Variants in NMT1 observed in about 807,000 individuals in gnomAD.
The protein encoded by NMT1 is N-myristoyltransferase 1, also known as glycylpeptide N-tetradecanoyltransferase 1.
Under a neutral mutation model 63.4 loss-of-function variants are expected in NMT1, and 12 were observed. That is an observed-to-expected ratio of 0.19 (90% CI 0.12 to 0.31). The LOEUF is 0.31. NMT1 is among the 10% of genes least tolerant of loss of function. The probability of loss-of-function intolerance (pLI) is 1.00; values close to 1 mark genes in which losing one functional copy is unlikely to be tolerated. For synonymous variants in NMT1, 228 were observed against 234.3 expected (o/e 0.97, Z 0.25); for missense variants, 432 against 634.6 (o/e 0.68, Z 3.43).
chr17:45,098,546 C>T lies in NMT1; in HGVS notation c.878C>T (p.Thr293Ile). 1 of 1,613,808 alleles carries T rather than the reference C, an allele frequency of 6.2e-7. No homozygotes were observed. The highest frequency in any genetic ancestry group is 8.5e-7 in the Non-Finnish European group (1 of 1,179,892). The change falls in exon 7 of 12, where the codon ACC (threonine) becomes ATC (isoleucine). Residue 293 changes from threonine (T) to isoleucine (I), a missense_variant. Thr to Ile is a moderately conservative substitution (Grantham distance 89). Transcript: ENST00000258960. ...AGVVLPKPVGTCRYWHRSLNP... is the reference protein window; with the variant it reads ...AGVVLPKPVGICRYWHRSLNP... ...GTGGTACTACCAAAGCCCGTTGGCACCTGCAGGTAAAACTGTCTTCCTGTA... is the reference window on the plus strand; with the variant it reads ...GTGGTACTACCAAAGCCCGTTGGCATCTGCAGGTAAAACTGTCTTCCTGTA...
intron 1 of NMT1, among the ~76,000 whole-genome samples, chr17:45,066,425 C>G (rs2053903121): frequency 6.6e-6 from 1 of 152,066 alleles, no homozygotes; most frequent in Non-Finnish European, 1.5e-5. Context: ...TGTGTTTCCT[C>G]CGTAATTAAA....
Position 45,093,748 on chromosome 17 carries a change from A to G in NMT1, c.449A>G (p.Tyr150Cys). 1 of 1,614,260 alleles carries G rather than the reference A, an allele frequency of 6.2e-7. No homozygotes were observed. Among genetic ancestry groups the G allele is most frequent in the Non-Finnish European group, 8.5e-7 (1 of 1,180,052 alleles). ...AAGGACAATATCCGCCAGGAGCCCT[A>G]CACCCTGCCCCAGGGCTTCACCTGG... ...PDKDNIRQEP[Y>C]TLPQGFTWDA... The change falls in exon 4 of 12, where the codon TAC becomes TGC. Residue 150 changes from tyrosine to cysteine, a missense_variant. Around this residue, in one of 4 missense-constraint regions of NMT1, gnomAD observed 295 missense variants for 489.7 expected, o/e 0.60. Transcript: ENST00000258960.
intron 2 of NMT1, among the ~76,000 whole-genome samples, chr17:45,084,096 C>T (rs993015333): frequency 9.2e-5 from 14 of 151,916 alleles, no homozygotes; most frequent in African/African-American, 3.1e-4. Flanking sequence ...ACATAGGACC[C>T]AGAAGCCATA....
At position 45,103,120 on chromosome 17, in the gene NMT1, A is replaced by T; in HGVS notation, c.1163A>T (p.Glu388Val). Reference sequence around the variant, plus strand: ...AATATCATCGACACTTTCGTGGTGGAGGTGAGTCAGGGAGTGGTGTTCCAG... The same window carrying T: ...AATATCATCGACACTTTCGTGGTGGTGGTGAGTCAGGGAGTGGTGTTCCAG... ...QENIIDTFVV[E>V]NANGEVTDFL... The change falls in exon 9 of 12, where the codon GAG becomes GTG. Residue 388 changes from glutamate (E) to valine (V), a missense_variant and splice_region_variant. This residue lies in a region of NMT1 where 295 missense variants were observed against 489.7 expected (regional missense o/e 0.60). Coordinates refer to ENST00000258960, the MANE Select transcript of NMT1 (RefSeq NM_021079.5). The surrounding 1 kb of genome is among the most constrained non-coding windows in gnomAD (Gnocchi z 4.8). 1 of 1,606,674 alleles carries T rather than the reference A, an allele frequency of 6.2e-7. No homozygotes were observed. The highest frequency in any genetic ancestry group is 8.5e-7 in the Non-Finnish European group (1 of 1,173,930).
At chr17:45,066,105 G>C (rs953715464) in intron 1 of NMT1, among the ~76,000 whole-genome samples, 2 of 152,084 alleles carry the variant, frequency 1.3e-5, no homozygotes, top group Non-Finnish European at 2.9e-5. Context: ...CCGGGCTGGA[G>C]TGCTGTGGCG....
chr17:45,095,934 G>A lies in NMT1; in HGVS notation c.505-260G>A, dbSNP rs114080304. Among the ~76,000 whole-genome samples, 268 of 152,282 alleles carry A rather than the reference G, an allele frequency of 1.8e-3. 1 individual carries two copies. The highest frequency in any genetic ancestry group is 6.4e-3 in the African/African-American group (266 of 41,560). ...GACCAGTGGCTCTCCATTGTTGATG[G>A]CGCAGAATGATGAAGTGGTTGGTTA... On this transcript the variant is annotated intron_variant, in intron 4 of 11. Transcript: ENST00000258960.
At chr17:45,095,202 G>A (rs2054116883) in intron 4 of NMT1, among the ~76,000 whole-genome samples, 1 of 151,178 alleles carries the variant, frequency 6.6e-6, no homozygotes, top group Non-Finnish European at 1.5e-5. Context: ...CACCTCCTGT[G>A]TTCAAGCAAT....
chr17:45,098,663 A>G, intron 7 of NMT1, 111 bp downstream of exon 7: 2 of 1,042,196 alleles, frequency 1.9e-6, no homozygotes, highest in Non-Finnish European at 1.4e-6. Context: ...CCTCTGGCGT[A>G]TCTGGTAAGG....
intron 3 of NMT1, among the ~76,000 whole-genome samples, chr17:45,087,353 A>G (rs1241474934): frequency 6.6e-6 from 1 of 152,194 alleles, no homozygotes; most frequent in East Asian, 1.9e-4. Flanking sequence ...CTCCTAGCCA[A>G]TGCATGCTTA....
At chr17:45,080,379 C>T (rs943582137) in intron 1 of NMT1, among the ~76,000 whole-genome samples, 11 of 150,858 alleles carry the variant, frequency 7.3e-5, no homozygotes, top group Admixed American at 5.3e-4. Context: ...AGGCTGGTCT[C>T]GAACTCTGCA....
intron 1 of NMT1, among the ~76,000 whole-genome samples, chr17:45,075,712 G>A (rs2143468585): frequency 6.6e-6 from 1 of 152,034 alleles, no homozygotes; most frequent in East Asian, 1.9e-4. Context: ...GGAGGTTGCA[G>A]TGAGCTGAGA....
At chr17:45,061,612 T>A (rs2053859735) in intron 1 of NMT1, 152 bp downstream of exon 1, 10 of 646,852 alleles carry the variant, frequency 1.5e-5, no homozygotes, top group Non-Finnish European at 2.6e-5. Flanking sequence ...GGTTATTGCC[T>A]TTGTCATTTA....
intron 3 of NMT1, among the ~76,000 whole-genome samples, chr17:45,092,779 T>A (rs2054097631): frequency 6.6e-6 from 1 of 151,238 alleles, no homozygotes; most frequent in Admixed American, 6.6e-5. Flanking sequence ...AGTAAAAGCA[T>A]GAATTGAGTG....
At position 45,105,094 on chromosome 17, in the gene NMT1, G is replaced by C. The variant is rs1202951330; in HGVS notation, c.1470+98G>C. ...GGGTTGAGGAGACAGCCGCAGTCTG[G>C]GTCCTTGTTACCTCGAGTTGAACCT... On this transcript the variant is annotated intron_variant, in intron 11 of 11. Coordinates refer to ENST00000258960, the MANE Select transcript of NMT1 (RefSeq NM_021079.5). The surrounding 1 kb of genome is among the most constrained non-coding windows in gnomAD (Gnocchi z 4.2). 1 of 1,502,016 alleles carries C rather than the reference G, an allele frequency of 6.7e-7. No individual in the cohort carries two copies. The highest frequency in any genetic ancestry group is 2.3e-5 in the East Asian group (1 of 43,968). The allele number at this position is 1,502,016 out of a possible 1,614,324, so 93.0% of individuals were successfully genotyped here.
chr17:45,077,793 T>TCGAC (rs2053987349), intron 1 of NMT1, among the ~76,000 whole-genome samples: 1 of 152,218 alleles, frequency 6.6e-6, no homozygotes, highest in Non-Finnish European at 1.5e-5. Context: ...CTGCAGATGG[T>TCGAC]CCTGTGTGCA....
At position 45,105,557 on chromosome 17, in the gene NMT1, G is replaced by T; in HGVS notation, c.1471-62G>T. ...CCACTCGGAACTTCAGGGATAGGGG[G>T]TGTGGGAGAGTCTTTGGGCCACTGT... On this transcript the variant is annotated intron_variant, in intron 11 of 11. Coordinates refer to ENST00000258960, the MANE Select transcript of NMT1 (RefSeq NM_021079.5). The surrounding 1 kb of genome is among the most constrained non-coding windows in gnomAD (Gnocchi z 4.2). 6.3e-7 allele frequency: 1 copy of T among 1,589,464 alleles called. No individual in the cohort carries two copies. Among genetic ancestry groups the T allele is most frequent in the Non-Finnish European group, 8.6e-7 (1 of 1,159,058 alleles).
At chr17:45,070,012 C>T (rs769070802) in intron 1 of NMT1, among the ~76,000 whole-genome samples, 4 of 152,102 alleles carry the variant, frequency 2.6e-5, no homozygotes, top group Non-Finnish European at 2.9e-5. Context: ...AAGTCTAACT[C>T]GCCAAACAAA....
intron 1 of NMT1, 68 bp downstream of exon 1, chr17:45,061,528 A>T: frequency 7.0e-7 from 1 of 1,431,052 alleles, no homozygotes. Context: ...GGTGCGGGGA[A>T]GTCACCGGGA....
At chr17:45,092,549 C>G (rs910092897) in intron 3 of NMT1, among the ~76,000 whole-genome samples, 1 of 143,874 alleles carries the variant, frequency 7.0e-6, no homozygotes, top group Admixed American at 6.9e-5. Flanking sequence ...AAAAAAAAAA[C>G]AAAACACCAA....
Sources: gnomAD v4.1 joint callset for allele counts (sites outside exome capture counted in the v4.1 genomes callset) on GRCh38, gnomAD v4.1.1 for gene constraint, gnomAD v4.1.1 regional missense constraint, Gnocchi (gnomAD v3.1) non-coding constraint, MANE v1.5 for transcripts, NCBI Gene and HGNC (gene_info 2026-07-23, HGNC 2026-07-21) for gene names.